The following AGFG2 variants were observed in gnomAD, a reference collection of about 807,000 sequenced individuals.
AGFG2 encodes the protein arf-GAP domain and FG repeat-containing protein 2.
AGFG2 carries 31 observed loss-of-function variants against 48.0 expected under a neutral mutation model. That is an observed-to-expected ratio of 0.65 (90% CI 0.49 to 0.87). The LOEUF (loss-of-function observed/expected upper bound fraction) is 0.87. Ranked by LOEUF, AGFG2 falls within the 40% of genes least tolerant of loss-of-function variation. The pLI is 0.00. For synonymous variants in AGFG2, 229 were observed against 260.8 expected, an observed-to-expected ratio of 0.88 and a Z score of 1.18; for missense variants, 599 against 632.6, an observed-to-expected ratio of 0.95 and a Z score of 0.57.
chr7:100,553,605 C>A, intron 4 of AGFG2, 105 bp downstream of exon 4: 3 of 1,372,334 alleles, frequency 2.2e-6, no homozygotes, highest in South Asian at 1.5e-5. Context: ...AGTGCAGGAG[C>A]TGTGAGTTGG....
intron 1 of AGFG2, among the ~76,000 whole-genome samples, chr7:100,547,745 T>C (rs955756719): frequency 1.3e-5 from 2 of 152,188 alleles, no homozygotes; most frequent in African/African-American, 4.8e-5. Context: ...CACAAAAGCA[T>C]TGCCACAGGT....
At chr7:100,542,089 C>T (rs529788557) in intron 1 of AGFG2, among the ~76,000 whole-genome samples, 24 of 152,200 alleles carry the variant, frequency 1.6e-4, no homozygotes, top group African/African-American at 5.3e-4. Context: ...GATCTCGGCT[C>T]ATTGCAACCC....
chr7:100,556,064 T>C, intron 6 of AGFG2: 1 of 261,664 alleles, frequency 3.8e-6, no homozygotes, highest in Non-Finnish European at 7.8e-6. Flanking sequence ...TCTAAGGTGC[T>C]CTTGTCTGCA....
At position 100,564,264 on chromosome 7, in the gene AGFG2, A is replaced by G. The variant is rs368179613; in HGVS notation, c.1347A>G (p.Pro449=). The G allele has an allele frequency of 6.2e-7, 1 of 1,613,870 alleles. No homozygotes were observed. The highest frequency in any genetic ancestry group is 8.5e-7 in the Non-Finnish European group (1 of 1,179,922). Residue 449 remains proline, a synonymous_variant, in exon 11 of 12, where the codon CCA becomes CCG. Transcript: ENST00000300176. ...GATCAGCCAAGTTGGGGCAGAGGCCACTGAGCCAGCCAGCTGGGATCTCCA... is the reference window on the plus strand; with the variant it reads ...GATCAGCCAAGTTGGGGCAGAGGCCGCTGAGCCAGCCAGCTGGGATCTCCA... The part of the protein sequence containing the change: ...DLGSAKLGQR[P]LSQPAGISTN...
intron 3 of AGFG2, among the ~76,000 whole-genome samples, chr7:100,550,846 T>C (rs1327020326): frequency 6.6e-6 from 1 of 150,448 alleles, no homozygotes; most frequent in Non-Finnish European, 1.5e-5. Context: ...TTTATTCCTT[T>C]AACCCATCAT....
intron 6 of AGFG2, chr7:100,556,690 G>A: frequency 8.1e-7 from 1 of 1,228,856 alleles, no homozygotes; most frequent in Non-Finnish European, 1.1e-6. Flanking sequence ...TTTGAGGGCT[G>A]GAAGGAACCC....
Position 100,554,223 on chromosome 7 carries a change from T to G in AGFG2, c.716T>G (p.Met239Arg). The change falls in exon 5 of 12, where the codon ATG becomes AGG. Residue 239 changes from methionine to arginine, a missense_variant. Transcript: ENST00000300176. The stretch of plus-strand genomic sequence containing the variant: ...GGAGACCCCTTTGCTGCACCCCAGA[T>G]GGCACCAGCTTTTGCTGCATTCCCT... ...IGGDPFAAPQMAPAFAAFPAF... is the reference protein window; with the variant it reads ...IGGDPFAAPQRAPAFAAFPAF... 6.2e-7 allele frequency: 1 copy of G among 1,613,964 alleles called. No homozygotes were observed. The highest frequency in any genetic ancestry group is 1.7e-4 in the Middle Eastern group (1 of 6,056).
rs1800371562 is a variant in AGFG2, at chr7:100,539,303, G to C, written c.-44G>C. On this transcript the variant is annotated 5_prime_UTR_variant, in exon 1 of 12. Coordinates refer to ENST00000300176, the MANE Select transcript of AGFG2 (RefSeq NM_006076.5). ...CTGAGGAGGCGGGAAGGCGGCAGTG[G>C]TTGAAGGGGTGATTGCTGACTAGCG... 3 of 1,275,532 alleles carry C rather than the reference G, an allele frequency of 2.4e-6. No homozygotes were observed. The highest frequency in any genetic ancestry group is 4.2e-5 in the Admixed American group (1 of 23,950). 79.0% of individuals were successfully genotyped at this position (1,275,532 alleles called of 1,614,324 possible).
Position 100,567,881 on chromosome 7 carries a change from G to A in AGFG2, c.*2890G>A, listed in dbSNP as rs1801048320. 2 of 152,330 alleles carry A rather than the reference G, an allele frequency of 1.3e-5. No homozygotes were observed. The highest frequency in any genetic ancestry group is 6.5e-5 in the Admixed American group (1 of 15,282). 9.4% of individuals were successfully genotyped at this position (152,330 alleles called of 1,614,324 possible). Reference sequence around the variant, plus strand: ...GCTGAAATAAATCTTTTCCGGGTAGGGTCAAGGGCAGTGTGTTGCCAAGGC... The same window carrying A: ...GCTGAAATAAATCTTTTCCGGGTAGAGTCAAGGGCAGTGTGTTGCCAAGGC... On this transcript the variant is annotated 3_prime_UTR_variant, in exon 12 of 12. Transcript: ENST00000300176.
chr7:100,564,035 G>C lies in AGFG2; in HGVS notation c.1300+73G>C, dbSNP rs1002155328. ...ATAGAGATCAGTTAGTTGTTCCTCC[G>C]ACCTCATCAGAGCCCATGCAGTGCC... On this transcript the variant is annotated intron_variant, in intron 10 of 11. Transcript: ENST00000300176. The C allele has an allele frequency of 3.8e-6, 6 of 1,582,212 alleles. No individual in the cohort carries two copies. In the Admixed American group the frequency reaches 8.6e-5, roughly 23 times the overall value.
chr7:100,546,225 G>A (rs1584380977), intron 1 of AGFG2, among the ~76,000 whole-genome samples: 2 of 120,816 alleles, frequency 1.7e-5, no homozygotes, highest in African/African-American at 6.6e-5. Flanking sequence ...CATAAGTTCT[G>A]TTCTAAGCAT....
intron 3 of AGFG2, among the ~76,000 whole-genome samples, chr7:100,551,067 T>TATATATA (rs1562791931): frequency 7.2e-5 from 7 of 96,782 alleles, no homozygotes; most frequent in African/African-American, 1.7e-4. Context: ...TATATATATA[T>TATATATA]TTCTTTTTTT....
At position 100,562,790 on chromosome 7, in the gene AGFG2, C is replaced by T; in HGVS notation, c.1088-73C>T. ...GAGATTGAGAGGAATGCTCAGGCAT[C>T]ACAGGATGAAGCACGTGAGAAAAAA... On this transcript the variant is annotated intron_variant, in intron 8 of 11. Coordinates refer to ENST00000300176, the MANE Select transcript of AGFG2 (RefSeq NM_006076.5). The surrounding 1 kb of genome is among the most constrained non-coding windows in gnomAD (Gnocchi z 5.4). 1 of 1,598,850 alleles carries T rather than the reference C, an allele frequency of 6.3e-7. No individual in the cohort carries two copies. Among genetic ancestry groups the T allele is most frequent in the African/African-American group, 1.3e-5 (1 of 74,796 alleles).
In AGFG2 at chr7:100,563,000, C is replaced by A. The variant is rs1800913227; in HGVS notation, c.1171+54C>A. 3 of 1,488,000 alleles carry A rather than the reference C, an allele frequency of 2.0e-6. No homozygotes were observed. Among genetic ancestry groups the A allele is most frequent in the Non-Finnish European group, 2.8e-6 (3 of 1,077,118 alleles). 92.2% of individuals were successfully genotyped at this position (1,488,000 alleles called of 1,614,324 possible). A position where few individuals can be genotyped will look rare whatever the true frequency, so the allele number is the denominator to read the frequency against. On this transcript the variant is annotated intron_variant, in intron 9 of 11. Coordinates refer to ENST00000300176, the MANE Select transcript of AGFG2 (RefSeq NM_006076.5). The surrounding 1 kb of genome is among the most constrained non-coding windows in gnomAD (Gnocchi z 5.4). ...GACCATCTGAGACTTCCAAGGCACA[C>A]ATTACCCTGCAGCCTCTCCCTTAAC...
intron 3 of AGFG2, among the ~76,000 whole-genome samples, chr7:100,552,489 T>C (rs372059490): frequency 9.9e-4 from 151 of 152,364 alleles, no homozygotes; most frequent in African/African-American, 3.4e-3. Context: ...AACTATATTT[T>C]GTCTTCCTGA....
chr7:100,541,789 T>C (rs1158248233), intron 1 of AGFG2, among the ~76,000 whole-genome samples: 1 of 146,778 alleles, frequency 6.8e-6, no homozygotes, highest in Non-Finnish European at 1.5e-5. Flanking sequence ...AAAAGGAGTA[T>C]GTATAGGGTA....
chr7:100,548,742 C>T, intron 1 of AGFG2, 80 bp from the exon 2 acceptor site: 1 of 1,051,376 alleles, frequency 9.5e-7, no homozygotes, highest in Non-Finnish European at 1.5e-6. Context: ...CACCCTTTCT[C>T]CCTCCTCCTC....
chr7:100,542,498 A>G (rs1271933971), intron 1 of AGFG2, among the ~76,000 whole-genome samples: 1 of 152,246 alleles, frequency 6.6e-6, no homozygotes, highest in Non-Finnish European at 1.5e-5. Context: ...AATTGAAGGT[A>G]TGTTGAGAGT....
intron 6 of AGFG2, among the ~76,000 whole-genome samples, chr7:100,560,409 C>T (rs2131121590): frequency 6.6e-6 from 1 of 152,302 alleles, no homozygotes; most frequent in East Asian, 1.9e-4. Flanking sequence ...AAACTCCTGA[C>T]CTCAAGCGAT....
Sources: allele counts gnomAD v4.1 joint callset (sites outside exome capture counted in the v4.1 genomes callset), GRCh38; gene constraint gnomAD v4.1.1; non-coding constraint Gnocchi (gnomAD v3.1); transcripts MANE v1.5; gene names NCBI Gene and HGNC (gene_info 2026-07-23, HGNC 2026-07-21).